The following NME7 variants were observed in gnomAD, a reference collection of about 807,000 sequenced individuals.
NME7 encodes the protein nucleoside diphosphate kinase 7.
Under a neutral mutation model 49.1 loss-of-function variants are expected in NME7, and 41 were observed. That is an observed-to-expected ratio of 0.83 (90% confidence interval 0.65 to 1.08). The LOEUF (loss-of-function observed/expected upper bound fraction) is 1.08, where lower values mean the gene tolerates loss of function less well. NME7 is among the 50% of genes least tolerant of loss of function. The pLI is 0.00. For missense variants in NME7, 423 were observed against 463.4 expected (o/e 0.91, Z 0.80); for synonymous variants, 139 against 150.6 (o/e 0.92, Z 0.56).
chr1:169,167,014 G>T (rs1487742137), intron 11 of NME7, among the ~76,000 whole-genome samples: 1 of 152,064 alleles, frequency 6.6e-6, no homozygotes, highest in African/African-American at 2.4e-5. Flanking sequence ...ACATTTTAGG[G>T]ACTAACCAAG....
chr1:169,150,472 C>G (rs1196989530), intron 11 of NME7, among the ~76,000 whole-genome samples: 1 of 152,122 alleles, frequency 6.6e-6, no homozygotes, highest in Non-Finnish European at 1.5e-5. Flanking sequence ...GCCAAACTCA[C>G]TTAATATATT....
At chr1:169,319,456 TTCAAAAGGTTATTTAGG>T (rs758963358) in intron 3 of NME7, among the ~76,000 whole-genome samples, 16 of 152,182 alleles carry the variant, frequency 1.1e-4, no homozygotes, top group Non-Finnish European at 1.6e-4. Flanking sequence ...GGTGATTTAG[TTCAAAAGGTTATTTAGG>T]TCAATCTCCC....
intron 1 of NME7, among the ~76,000 whole-genome samples, chr1:169,367,265 G>T (rs1280072212): frequency 6.6e-6 from 1 of 152,196 alleles, no homozygotes; most frequent in African/African-American, 2.4e-5. Context: ...CCTCGTGGGG[G>T]CGTGGGGCAG....
At position 169,278,564 on chromosome 1, in the gene NME7, T is replaced by C. The variant is rs572770967; in HGVS notation, c.754+8739A>G. 3.1e-4 allele frequency among the ~76,000 whole-genome samples: 47 copies of C among 152,270 alleles called. No individual in the cohort carries two copies. In the East Asian group the frequency reaches 7.9e-3, roughly 26 times the overall value. ...AGCTCCTTTAAGCACTTCTCTGTATTGGTTATTCTAGTTATACATTCGTCG... is the reference window on the plus strand; with the variant it reads ...AGCTCCTTTAAGCACTTCTCTGTATCGGTTATTCTAGTTATACATTCGTCG... On this transcript the variant is annotated intron_variant, in intron 7 of 11. Coordinates refer to ENST00000367811, the MANE Select transcript of NME7 (RefSeq NM_013330.5).
At chr1:169,327,626 C>T (rs1208327) in intron 1 of NME7, among the ~76,000 whole-genome samples, 144,272 of 152,304 alleles carry the variant, frequency 0.95, 68,391 homozygotes, top group African/African-American at 0.98. Context: ...AATTTTTACA[C>T]TGCAACATGC....
rs112639384 is a variant in NME7 at position 169,330,946 on chromosome 1, C to T, written c.4-6446G>A. ...TAGAGGAGGAGGGACTACTTCCAAA[C>T]TCATTCTACGAGGCCAGTATTACCC... is the stretch of plus-strand genomic sequence containing the variant. On this transcript the variant is annotated intron_variant, in intron 1 of 11. Coordinates refer to ENST00000367811, the MANE Select transcript of NME7 (RefSeq NM_013330.5). 6.4e-3 allele frequency among the ~76,000 whole-genome samples: 971 copies of T among 152,202 alleles called. 8 individuals carry two copies. The highest frequency in any genetic ancestry group is 0.022 in the African/African-American group (903 of 41,548).
intron 2 of NME7, among the ~76,000 whole-genome samples, 196 bp from the exon 3 acceptor site, chr1:169,323,479 T>A (rs1651931468): frequency 6.6e-6 from 1 of 152,200 alleles, no homozygotes; most frequent in Non-Finnish European, 1.5e-5. Flanking sequence ...GGTAATAACA[T>A]AAAAGCTTCT....
intron 1 of NME7, among the ~76,000 whole-genome samples, chr1:169,338,447 A>G (rs945878246): frequency 3.3e-5 from 5 of 152,222 alleles, no homozygotes; most frequent in African/African-American, 1.2e-4. Flanking sequence ...GCCAGAAAAG[A>G]ACCATTTCCA....
intron 1 of NME7, among the ~76,000 whole-genome samples, chr1:169,328,682 A>T (rs1652152322): frequency 6.6e-6 from 1 of 152,240 alleles, no homozygotes; most frequent in African/African-American, 2.4e-5. Context: ...AGGATATATC[A>T]TATTAATAAA....
chr1:169,284,234 G>A (rs919988733), intron 7 of NME7: 4 of 151,664 alleles, frequency 2.6e-5, no homozygotes, highest in African/African-American at 7.3e-5. Flanking sequence ...CTACTTGATT[G>A]ATTTGACTAT....
intron 3 of NME7, among the ~76,000 whole-genome samples, chr1:169,313,845 A>G (rs1651506381): frequency 6.6e-6 from 1 of 152,180 alleles, no homozygotes; most frequent in Admixed American, 6.5e-5. Context: ...AAACATTATC[A>G]GGTAATAGAA....
intron 3 of NME7, among the ~76,000 whole-genome samples, chr1:169,316,876 G>A (rs1432280570): frequency 6.6e-6 from 1 of 151,714 alleles, no homozygotes; most frequent in African/African-American, 2.4e-5. Context: ...AATTTGTATT[G>A]TTTAAGTGAC....
intron 11 of NME7, among the ~76,000 whole-genome samples, chr1:169,158,359 A>G (rs1248866077): frequency 1.3e-5 from 2 of 152,254 alleles, no homozygotes; most frequent in Admixed American, 6.5e-5. Flanking sequence ...AGAACGGCAT[A>G]CAATTTAAAA....
rs181297058 is a variant in NME7, at chr1:169,246,619, T to C, written c.755-8932A>G. 3.9e-3 allele frequency among the ~76,000 whole-genome samples: 532 copies of C among 137,934 alleles called. 4 individuals are homozygous for C. The highest frequency in any genetic ancestry group is 0.013 in the African/African-American group (508 of 37,742). The allele number at this position is 137,934 out of a possible 152,430, so 90.5% of individuals were successfully genotyped here. ...CAATAGAACTTTATTTTATTTGTAT[T>C]TTTTTTTAGAGGTGGGGCCTTGCTA... is the stretch of plus-strand genomic sequence containing the variant. On this transcript the variant is annotated intron_variant, in intron 7 of 11. Coordinates refer to ENST00000367811, the MANE Select transcript of NME7 (RefSeq NM_013330.5).
chr1:169,164,171 C>T (rs1298906350), intron 11 of NME7, among the ~76,000 whole-genome samples: 3 of 151,172 alleles, frequency 2.0e-5, no homozygotes, highest in Non-Finnish European at 2.9e-5. Flanking sequence ...ATTTAGAAAA[C>T]TGGCTAGGTG....
chr1:169,223,685 A>C (rs1264004984), intron 10 of NME7, among the ~76,000 whole-genome samples: 1 of 152,082 alleles, frequency 6.6e-6, no homozygotes, highest in East Asian at 1.9e-4. Flanking sequence ...GAGGATCTTC[A>C]TTTCGTAGAG....
chr1:169,279,593 C>T (rs1369611603), intron 7 of NME7, among the ~76,000 whole-genome samples: 1 of 152,216 alleles, frequency 6.6e-6, no homozygotes, highest in East Asian at 1.9e-4. Context: ...CGTCTGTCAC[C>T]CCTTTCCTTG....
chr1:169,355,051 T>TA (rs1250118627), intron 1 of NME7, among the ~76,000 whole-genome samples: 8 of 76,194 alleles, frequency 1.0e-4, no homozygotes, highest in Non-Finnish European at 2.3e-5. Context: ...AGATATAATA[T>TA]ATAATATACT....
At chr1:169,135,139 C>T (rs1399141054) in intron 11 of NME7, among the ~76,000 whole-genome samples, 1 of 150,730 alleles carries the variant, frequency 6.6e-6, no homozygotes, top group Non-Finnish European at 1.5e-5. Context: ...TTCAAGGCTT[C>T]GGTAAGCCTG....
Sources: allele counts gnomAD v4.1 joint callset (sites outside exome capture counted in the v4.1 genomes callset), GRCh38; gene constraint gnomAD v4.1.1; transcripts MANE v1.5; gene names NCBI Gene and HGNC (gene_info 2026-07-23, HGNC 2026-07-21).